ORC1: variants seen among roughly 807,000 people sequenced by gnomAD.
The protein encoded by ORC1 is origin recognition complex, subunit 1 homolog.
A neutral mutation model predicts 98.9 loss-of-function variants in ORC1; 61 were observed. That is an observed-to-expected ratio of 0.62 (90% CI 0.50 to 0.76). The LOEUF (loss-of-function observed/expected upper bound fraction) is 0.76. Ranked by LOEUF, ORC1 falls within the 30% of genes least tolerant of loss-of-function variation. ORC1 has a pLI of 0.00. For synonymous variants in ORC1, 385 were observed against 406.9 expected, an observed-to-expected ratio of 0.95 and a Z score of 0.65; for missense variants, 979 against 1,072.2, an observed-to-expected ratio of 0.91 and a Z score of 1.21.
intron 6 of ORC1, among the ~76,000 whole-genome samples, chr1:52,392,713 G>A (rs1052036893): frequency 6.6e-6 from 1 of 152,190 alleles, no homozygotes; most frequent in East Asian, 1.9e-4. Context: ...TATTTACCAT[G>A]GAATACTACT....
intron 13 of ORC1, among the ~76,000 whole-genome samples, chr1:52,383,012 C>A (rs1027786808): frequency 1.3e-5 from 2 of 152,054 alleles, no homozygotes; most frequent in African/African-American, 4.8e-5. Flanking sequence ...ATAGAAACTA[C>A]AAGCATTGCA....
upstream of ORC1, among the ~76,000 whole-genome samples, chr1:52,406,965 A>T (rs182950941): frequency 6.6e-6 from 1 of 152,228 alleles, no homozygotes; most frequent in African/African-American, 2.4e-5. Context: ...AAAGCCTCCT[A>T]GTTACCCAAG....
intron 14 of ORC1, among the ~76,000 whole-genome samples, chr1:52,375,986 T>C (rs767552275): frequency 7.9e-5 from 12 of 152,196 alleles, no homozygotes; most frequent in Non-Finnish European, 1.5e-4. Context: ...AGGTGGAGCC[T>C]ATCTGGAGAT....
intron 4 of ORC1, among the ~76,000 whole-genome samples, 178 bp from the exon 5 acceptor site, chr1:52,396,542 G>A (rs544964843): frequency 2.0e-5 from 3 of 152,020 alleles, no homozygotes; most frequent in African/African-American, 4.8e-5. Flanking sequence ...ACATAATAAT[G>A]AATATTTACT....
chr1:52,376,888 C>T (rs888148473), intron 14 of ORC1, among the ~76,000 whole-genome samples: 1 of 152,158 alleles, frequency 6.6e-6, no homozygotes, highest in African/African-American at 2.4e-5. Flanking sequence ...CCTGCAGGCA[C>T]CTGAAACTTG....
intron 13 of ORC1, 22 bp downstream of exon 13, chr1:52,383,398 T>C: frequency 1.2e-6 from 2 of 1,612,076 alleles, no homozygotes; most frequent in Non-Finnish European, 1.7e-6. Context: ...AAGAACAGCA[T>C]GGGAACTGCC....
Position 52,404,419 on chromosome 1 carries a change from G to C in ORC1, c.-179C>G. On this transcript the variant is annotated 5_prime_UTR_variant, in exon 1 of 17. Transcript: ENST00000371568. ...TCTCACTAGAAATGAAAAGAAGGTG[G>C]AAGGAGAAAAGAAAACTTCGCGCCA... 9.0e-6 allele frequency: 2 copies of C among 221,198 alleles called. No individual in the cohort carries two copies. The highest frequency in any genetic ancestry group is 1.9e-5 in the Non-Finnish European group (2 of 108,026). 13.7% of individuals were successfully genotyped at this position (221,198 alleles called of 1,614,324 possible). A position where few individuals can be genotyped will look rare whatever the true frequency, so the allele number is the denominator to read the frequency against.
At chr1:52,382,572 CTTTTTTT>C (rs3049207) in intron 13 of ORC1, among the ~76,000 whole-genome samples, 5 of 107,416 alleles carry the variant, frequency 4.7e-5, no homozygotes, top group East Asian at 2.5e-4. Context: ...AGTGCTAAAA[CTTTTTTT>C]TTTTTTTTTT....
intron 5 of ORC1, among the ~76,000 whole-genome samples, chr1:52,394,312 C>T (rs1036633374): frequency 2.6e-5 from 4 of 152,212 alleles, no homozygotes; most frequent in African/African-American, 7.2e-5. Flanking sequence ...TCCCTCATCA[C>T]GAGGACCACA....
Position 52,389,217 on chromosome 1 carries a change from C to A in ORC1, c.1187G>T (p.Arg396Leu). The stretch of plus-strand genomic sequence containing the variant: ...TCTGCCTGCCAAGGAGTAGTCTTAC[C>A]GAAGCTGCTGCCTAATCCGATTCAT... ...LTMNRIRQQL[R>L]FLGNSKSDQE... The change falls in exon 7 of 17, where the codon CGG becomes CTG. Residue 396 changes from arginine (R) to leucine (L), a missense_variant and splice_region_variant. Arg to Leu is a moderately radical substitution (Grantham distance 102, BLOSUM62 -2). Transcript: ENST00000371568. 6.2e-7 allele frequency: 1 copy of A among 1,611,134 alleles called. No homozygotes were observed.
chr1:52,398,816 ACC>A (rs1169897177), intron 3 of ORC1, among the ~76,000 whole-genome samples: 1 of 148,250 alleles, frequency 6.7e-6, no homozygotes, highest in Non-Finnish European at 1.5e-5. Flanking sequence ...CAATCTCCTG[ACC>A]TCGTGATCCG....
chr1:52,382,718 T>G (rs936919873), intron 13 of ORC1, among the ~76,000 whole-genome samples: 1 of 151,708 alleles, frequency 6.6e-6, no homozygotes, highest in Non-Finnish European at 1.5e-5. Context: ...TAGCTGGGAT[T>G]ACAGGCATGC....
chr1:52,389,445 TA>T, intron 6 of ORC1, 124 bp from the exon 7 acceptor site: 1 of 708,686 alleles, frequency 1.4e-6, no homozygotes, highest in Non-Finnish European at 2.5e-6. Flanking sequence ...TTGAAAAGAG[TA>T]AAACTTTCTT....
At chr1:52,383,989 G>A (rs1302670297) in intron 11 of ORC1, 52 bp from the exon 12 acceptor site, 3 of 1,479,388 alleles carry the variant, frequency 2.0e-6, no homozygotes, top group Non-Finnish European at 2.8e-6. Flanking sequence ...TTACTCCCTT[G>A]GGCTTAAAGT....
upstream of ORC1, among the ~76,000 whole-genome samples, chr1:52,406,630 A>G (rs1648005786): frequency 6.6e-6 from 1 of 152,230 alleles, no homozygotes; most frequent in African/African-American, 2.4e-5. Flanking sequence ...CTCTGAACAC[A>G]GCACTTGCTG....
At chr1:52,399,611 G>A (rs6666024) in intron 3 of ORC1, among the ~76,000 whole-genome samples, 11,482 of 121,452 alleles carry the variant, frequency 0.095, 1,681 homozygotes, top group African/African-American at 0.33. Context: ...GCGACACAGC[G>A]AGACTCTGTC....
chr1:52,405,556 C>A, upstream of ORC1: 1 of 808,960 alleles, frequency 1.2e-6, no homozygotes, highest in Non-Finnish European at 2.0e-6. Flanking sequence ...GTTATTAATA[C>A]ACATTCGTTC....
At chr1:52,409,393 T>C (rs1323143371), upstream of ORC1, 4 of 152,300 alleles carry the variant, frequency 2.6e-5, no homozygotes, top group Non-Finnish European at 5.9e-5. Context: ...GGCAGATCAC[T>C]TGAGGTCAGG....
intron 4 of ORC1, 135 bp downstream of exon 4, chr1:52,397,550 C>G: frequency 1.2e-6 from 1 of 843,064 alleles, no homozygotes; most frequent in South Asian, 1.4e-5. Context: ...AACAGACAGG[C>G]AAGCACAGAA....
Sources: allele counts gnomAD v4.1 joint callset (sites outside exome capture counted in the v4.1 genomes callset), GRCh38; gene constraint gnomAD v4.1.1; transcripts MANE v1.5; gene names NCBI Gene and HGNC (gene_info 2026-07-23, HGNC 2026-07-21).